Variants in ADGRL2 observed in about 807,000 individuals in gnomAD.
The protein encoded by ADGRL2 is adhesion G protein-coupled receptor L2, also known as calcium-independent alpha-latrotoxin receptor 2.
A neutral mutation model predicts 157.4 loss-of-function variants in ADGRL2; 44 were observed. The observed-to-expected ratio is 0.28, with a 90% CI of 0.22 to 0.36. The LOEUF (loss-of-function observed/expected upper bound fraction) is 0.36, where lower values mean the gene tolerates loss of function less well. ADGRL2 is among the 10% of genes least tolerant of loss of function. The pLI is 1.00. For synonymous variants in ADGRL2, 585 were observed against 624.7 expected, an observed-to-expected ratio of 0.94 and a Z score of 0.95; for missense variants, 1,510 against 1,768.9, an observed-to-expected ratio of 0.85 and a Z score of 2.63.
chr1:81,332,221 T>A (rs1371903908), intron 1 of ADGRL2, among the ~76,000 whole-genome samples: 1 of 152,136 alleles, frequency 6.6e-6, no homozygotes, highest in Non-Finnish European at 1.5e-5. Flanking sequence ...TTCAGAAATA[T>A]CACAGGAGTA....
chr1:81,944,542 A>G, intron 6 of ADGRL2, among the ~76,000 whole-genome samples: 1 of 152,248 alleles, frequency 6.6e-6, no homozygotes, highest in African/African-American at 2.4e-5. Flanking sequence ...TCATTAAAAC[A>G]AGATTATCTC....
chr1:81,391,741 C>CTTAGTGTCTTTTCTCTG (rs2076563777), intron 1 of ADGRL2, among the ~76,000 whole-genome samples: 1 of 152,132 alleles, frequency 6.6e-6, no homozygotes, highest in Non-Finnish European at 1.5e-5. Flanking sequence ...CTAAATGCTA[C>CTTAGTGTCTTTTCTCTG]TTAGTGTCTT....
rs756531846 is a variant in ADGRL2, at chr1:81,475,553, G to C, written c.-248+30464G>C. 3.2e-4 allele frequency among the ~76,000 whole-genome samples: 49 copies of C among 152,276 alleles called. 1 individual carries two copies. The highest frequency in any genetic ancestry group is 2.8e-3 in the Admixed American group (43 of 15,286). ...TACAATTTGACCAATGTTAGCCTAA[G>C]ATGTGCCGTCATTTGATGGATGAGG... On this transcript the variant is annotated intron_variant, in intron 2 of 24. Coordinates refer to the ADGRL2 transcript ENST00000370721.
intron 1 of ADGRL2, among the ~76,000 whole-genome samples, chr1:81,378,259 T>C (rs1004565664): frequency 4.0e-5 from 6 of 151,842 alleles, no homozygotes; most frequent in African/African-American, 1.5e-4. Context: ...GTCATCAAGG[T>C]GTCCAAGTTC....
At chr1:81,480,977 T>A (rs2078374815) in intron 2 of ADGRL2, among the ~76,000 whole-genome samples, 2 of 152,218 alleles carry the variant, frequency 1.3e-5, no homozygotes, top group Admixed American at 1.3e-4. Context: ...ATTTCAGCAT[T>A]TATGTCATTT....
At chr1:81,568,710 T>C (rs570160325) in intron 2 of ADGRL2, among the ~76,000 whole-genome samples, 2 of 152,314 alleles carry the variant, frequency 1.3e-5, no homozygotes, top group East Asian at 3.9e-4. Context: ...AGAATCATAT[T>C]ATTTTGCTAT....
chr1:81,345,197 T>A (rs1662392080), intron 1 of ADGRL2, among the ~76,000 whole-genome samples: 1 of 152,236 alleles, frequency 6.6e-6, no homozygotes, highest in Admixed American at 6.5e-5. Flanking sequence ...ATAGTATCTT[T>A]CTTCATGAAA....
intron 2 of ADGRL2, among the ~76,000 whole-genome samples, chr1:81,455,026 T>C (rs1376723929): frequency 2.0e-5 from 3 of 152,214 alleles, no homozygotes; most frequent in Non-Finnish European, 2.9e-5. Flanking sequence ...TCTCATCCTC[T>C]AACTTGCTTC....
intron 2 of ADGRL2, among the ~76,000 whole-genome samples, chr1:81,774,124 G>T (rs915873909): frequency 2.6e-5 from 4 of 152,104 alleles, no homozygotes. Flanking sequence ...CCTGTCTGTG[G>T]TATTTGTTAT....
chr1:81,450,030 C>A (rs1570999527), intron 2 of ADGRL2, among the ~76,000 whole-genome samples: 1 of 152,286 alleles, frequency 6.6e-6, no homozygotes, highest in East Asian at 1.9e-4. Context: ...GTTTCCCTAG[C>A]TCTCCCTGTT....
chr1:81,681,416 G>C lies in ADGRL2; in HGVS notation c.-142-80395G>C, dbSNP rs569819405. 2.6e-5 allele frequency among the ~76,000 whole-genome samples: 4 copies of C among 152,324 alleles called. No homozygotes were observed. In the South Asian group the frequency reaches 6.2e-4, roughly 24 times the overall value. On this transcript the variant is annotated intron_variant, in intron 3 of 24. Transcript: ENST00000370721. ...GTGCCAAAGAAGAGACAGGAAGAAT[G>C]CATGTGTGAGTAAAGGGTTAAACTC...
At chr1:81,801,408 C>T (rs1291420566) in intron 1 of ADGRL2, among the ~76,000 whole-genome samples, 2 of 152,138 alleles carry the variant, frequency 1.3e-5, no homozygotes, top group Non-Finnish European at 2.9e-5. Context: ...TTCGCATTCC[C>T]CCGTCTCTCT....
At chr1:81,977,754 T>C (rs1255862815) in intron 17 of ADGRL2, among the ~76,000 whole-genome samples, 1 of 151,692 alleles carries the variant, frequency 6.6e-6, no homozygotes, top group African/African-American at 2.4e-5. Context: ...CTTAGAAAAT[T>C]ATGAACACCA....
intron 17 of ADGRL2, among the ~76,000 whole-genome samples, 157 bp downstream of exon 17, chr1:81,972,075 T>A (rs1302768520): frequency 6.6e-6 from 1 of 152,162 alleles, no homozygotes; most frequent in Non-Finnish European, 1.5e-5. Context: ...ATATTTTTTA[T>A]AAACTTGCTA....
chr1:81,550,328 G>A (rs2080115842), intron 2 of ADGRL2, among the ~76,000 whole-genome samples: 1 of 152,156 alleles, frequency 6.6e-6, no homozygotes, highest in South Asian at 2.1e-4. Context: ...AGCTGAAGGT[G>A]TAGAGAGGTG....
chr1:81,586,875 C>T (rs910436654), intron 3 of ADGRL2, among the ~76,000 whole-genome samples: 7 of 152,070 alleles, frequency 4.6e-5, no homozygotes, highest in Non-Finnish European at 8.8e-5. Context: ...TCTTAACCCT[C>T]CTTTGTTACA....
chr1:81,844,362 G>C (rs1156643337), intron 2 of ADGRL2, among the ~76,000 whole-genome samples: 1 of 152,098 alleles, frequency 6.6e-6, no homozygotes, highest in Non-Finnish European at 1.5e-5. Flanking sequence ...TTTCAGCATT[G>C]AAGCTCTTCA....
intron 1 of ADGRL2, among the ~76,000 whole-genome samples, chr1:81,805,613 T>G (rs2149550962): frequency 6.6e-6 from 1 of 151,874 alleles, no homozygotes; most frequent in Non-Finnish European, 1.5e-5. Flanking sequence ...GGATTACAAT[T>G]AGGGTTTTTT....
intron 5 of ADGRL2, chr1:81,942,724 T>A: frequency 1.9e-6 from 1 of 531,792 alleles, no homozygotes; most frequent in East Asian, 3.5e-5. Context: ...AGACCACTTA[T>A]AAATGATCTT....
Sources: gnomAD v4.1 joint callset for allele counts (sites outside exome capture counted in the v4.1 genomes callset) on GRCh38, gnomAD v4.1.1 for gene constraint, MANE v1.5 for transcripts, NCBI Gene and HGNC (gene_info 2026-07-23, HGNC 2026-07-21) for gene names.